The following POM121C variants were observed in gnomAD, a reference collection of about 807,000 sequenced individuals.
The protein encoded by POM121C is POM121 transmembrane nucleoporin C.
POM121C carries 20 observed loss-of-function variants against 66.4 expected under a neutral mutation model. The observed-to-expected ratio is 0.30, with a 90% CI of 0.21 to 0.44. The LOEUF is 0.44. POM121C is among the 20% of genes least tolerant of loss of function. POM121C has a pLI of 1.00. For missense variants in POM121C, 580 were observed against 1,225.7 expected, an observed-to-expected ratio of 0.47 and a Z score of 7.87; for synonymous variants, 286 against 528.0, an observed-to-expected ratio of 0.54 and a Z score of 6.28.
chr7:75,444,158 A>G (rs1554474474), intron 3 of POM121C, among the ~76,000 whole-genome samples: 1 of 135,444 alleles, frequency 7.4e-6, no homozygotes, highest in Admixed American at 7.9e-5. Flanking sequence ...GATGAGAAGA[A>G]GGTGCAGTTT....
intron 7 of POM121C, among the ~76,000 whole-genome samples, chr7:75,432,542 C>G (rs1790223156): frequency 6.6e-6 from 1 of 152,084 alleles, no homozygotes; most frequent in African/African-American, 2.4e-5. Flanking sequence ...AAAGGAGAAG[C>G]ATGATGGGGA....
intron 1 of POM121C, among the ~76,000 whole-genome samples, chr7:75,477,910 A>C (rs1390136925): frequency 6.6e-6 from 1 of 152,206 alleles, no homozygotes; most frequent in Non-Finnish European, 1.5e-5. Flanking sequence ...CAAAAACAGA[A>C]AGAAAAATAA....
chr7:75,481,935 A>C (rs587702791), intron 1 of POM121C, among the ~76,000 whole-genome samples: 1 of 152,308 alleles, frequency 6.6e-6, no homozygotes, highest in East Asian at 1.9e-4. Context: ...TCACAGCAAT[A>C]ATCAAGTCAA....
At chr7:75,430,546 A>G (rs1314955771) in intron 7 of POM121C, among the ~76,000 whole-genome samples, 1 of 152,232 alleles carries the variant, frequency 6.6e-6, no homozygotes, top group Non-Finnish European at 1.5e-5. Context: ...ATGGATTTAC[A>G]TATGAAAATA....
At chr7:75,443,252 G>T (rs1368663818) in intron 3 of POM121C, among the ~76,000 whole-genome samples, 11 of 152,170 alleles carry the variant, frequency 7.2e-5, no homozygotes, top group African/African-American at 2.7e-4. Context: ...AAAGTTATCG[G>T]TCTGAGAAAG....
chr7:75,469,013 G>C (rs1270403758), intron 3 of POM121C, among the ~76,000 whole-genome samples: 5 of 151,944 alleles, frequency 3.3e-5, no homozygotes, highest in African/African-American at 4.8e-5. Context: ...TAAAGTTCAC[G>C]TAACAAAAAT....
At position 75,439,160 on chromosome 7, in the gene POM121C, C is replaced by A. The variant is rs370949929; in HGVS notation, c.292G>T (p.Ala98Ser). 7 of 1,614,216 alleles carry A rather than the reference C, an allele frequency of 4.3e-6. No individual in the cohort carries two copies. Among genetic ancestry groups the A allele is most frequent in the Non-Finnish European group, 5.9e-6 (7 of 1,180,032 alleles). ...FEPLVASGVP[A>S]SFVPKPGSLK... is the part of the protein sequence containing the mutation. Reference sequence around the variant, plus strand: ...CGCACTTACTTAGGCACAAAAGAAGCGGGGACTCCACTGGCCACCAGGGGC... The same window carrying A: ...CGCACTTACTTAGGCACAAAAGAAGAGGGGACTCCACTGGCCACCAGGGGC... The change falls in exon 6 of 15, where the codon GCT becomes TCT. Residue 98 changes from alanine to serine, a missense_variant. Transcript: ENST00000615331.
chr7:75,471,069 C>A (rs587735467), intron 3 of POM121C, among the ~76,000 whole-genome samples: 11 of 152,276 alleles, frequency 7.2e-5, no homozygotes, highest in African/African-American at 2.6e-4. Context: ...CCCTCACTCT[C>A]CCCTTTGAAC....
At chr7:75,482,546 G>A (rs587735826) in intron 1 of POM121C, among the ~76,000 whole-genome samples, 13 of 152,102 alleles carry the variant, frequency 8.5e-5, no homozygotes, top group Non-Finnish European at 4.4e-5. Context: ...AAAAATTAGC[G>A]AGGTGTGGCA....
Position 75,424,466 on chromosome 7 carries a change from A to G in POM121C, c.871+60T>C, listed in dbSNP as rs193223596. ...AACCCATTTTTCCAAACACCAAAATAAAACCAAAGAAAACAGACACCTGAA... is the reference window on the plus strand; with the variant it reads ...AACCCATTTTTCCAAACACCAAAATGAAACCAAAGAAAACAGACACCTGAA... On this transcript the variant is annotated intron_variant, in intron 11 of 14. Transcript: ENST00000615331. 387 of 1,580,786 alleles carry G rather than the reference A, an allele frequency of 2.4e-4. 1 individual carries two copies. Among genetic ancestry groups the G allele is most frequent in the Non-Finnish European group, 3.0e-4 (343 of 1,156,766 alleles).
In POM121C at chr7:75,446,877, G is replaced by A. The variant is rs1254312202; in HGVS notation, c.-151-5230C>T. Among the ~76,000 whole-genome samples the A allele has an allele frequency of 1.7e-3, 251 of 148,492 alleles. 1 individual carries two copies. Among genetic ancestry groups the A allele is most frequent in the Non-Finnish European group, 3.1e-3 (204 of 66,514 alleles). On this transcript the variant is annotated intron_variant, in intron 3 of 14. Transcript: ENST00000615331. ...CAAAAAATTAGCCAGGCATGGTGGC[G>A]GGCGCCTGTAGTCCCAGCTACTCGG... is the stretch of plus-strand genomic sequence containing the variant.
intron 3 of POM121C, among the ~76,000 whole-genome samples, chr7:75,474,129 C>G (rs1370174040): frequency 6.6e-6 from 1 of 152,168 alleles, no homozygotes. Flanking sequence ...AGCAGTGGCT[C>G]AGGACTGTAA....
At chr7:75,471,026 TA>T (rs1554478589) in intron 3 of POM121C, among the ~76,000 whole-genome samples, 1 of 152,014 alleles carries the variant, frequency 6.6e-6, no homozygotes, top group Non-Finnish European at 1.5e-5. Flanking sequence ...GACAACGGGC[TA>T]GAAAACCAGA....
At chr7:75,481,145 T>C (rs1404614003) in intron 1 of POM121C, among the ~76,000 whole-genome samples, 1 of 149,842 alleles carries the variant, frequency 6.7e-6, no homozygotes, top group Non-Finnish European at 1.5e-5. Context: ...TATCTGGGAT[T>C]TCTTTGTAAA....
chr7:75,454,221 C>A (rs1554476052), intron 3 of POM121C, among the ~76,000 whole-genome samples: 1 of 151,950 alleles, frequency 6.6e-6, no homozygotes, highest in Non-Finnish European at 1.5e-5. Context: ...TAGCATCTGC[C>A]ACAGGCTGTC....
intron 3 of POM121C, among the ~76,000 whole-genome samples, chr7:75,456,059 G>T (rs1407393888): frequency 6.6e-6 from 1 of 152,148 alleles, no homozygotes; most frequent in Non-Finnish European, 1.5e-5. Flanking sequence ...ACATAGCAGA[G>T]ATCTCGTCTG....
chr7:75,460,659 C>T (rs1188435413), intron 3 of POM121C, among the ~76,000 whole-genome samples: 4 of 152,090 alleles, frequency 2.6e-5, no homozygotes, highest in African/African-American at 9.7e-5. Context: ...CAACCAGAGA[C>T]ATACTTAAAC....
rs144750308 is a variant in POM121C, at chr7:75,423,905, C to T, written c.1048+144G>A. The T allele has an allele frequency of 9.5e-3, 14,114 of 1,486,192 alleles. 118 individuals are homozygous for T. Among genetic ancestry groups the T allele is most frequent in the Non-Finnish European group, 0.01 (11,341 of 1,103,136 alleles). The allele number at this position is 1,486,192 out of a possible 1,614,324, so 92.1% of individuals were successfully genotyped here. ...TGATGTGGGCTCCGGCGCTGTTAAA[C>T]GTAGGCCCGCTCCGGTGTGCTGAGC... On this transcript the variant is annotated intron_variant, in intron 12 of 14. Transcript: ENST00000615331.
At chr7:75,431,506 G>A (rs1790176088) in intron 7 of POM121C, among the ~76,000 whole-genome samples, 1 of 148,998 alleles carries the variant, frequency 6.7e-6, no homozygotes, top group Non-Finnish European at 1.5e-5. Flanking sequence ...GGGAGGCTGA[G>A]GCAGAAGAAT....
Sources: gnomAD v4.1 joint callset for allele counts (sites outside exome capture counted in the v4.1 genomes callset) on GRCh38, gnomAD v4.1.1 for gene constraint, MANE v1.5 for transcripts, NCBI Gene and HGNC (gene_info 2026-07-23, HGNC 2026-07-21) for gene names.